The following EPHA3 variants were observed in gnomAD, a reference collection of about 807,000 sequenced individuals.
EPHA3 encodes the protein ephrin type-A receptor 3.
Under a neutral mutation model 107.1 loss-of-function variants are expected in EPHA3, and 42 were observed. The observed-to-expected ratio is 0.39, with a 90% confidence interval of 0.31 to 0.51. The LOEUF (loss-of-function observed/expected upper bound fraction) is 0.51. Ranked by LOEUF, EPHA3 falls within the 20% of genes least tolerant of loss-of-function variation. The pLI is 0.78. For synonymous variants in EPHA3, 461 were observed against 424.8 expected, an observed-to-expected ratio of 1.09 and a Z score of -1.05; for missense variants, 1,183 against 1,211.2, an observed-to-expected ratio of 0.98 and a Z score of 0.35.
At chr3:89,211,734 CTTCTTCTCCTTCTTCTTCTTCT>C (rs1704096996) in intron 3 of EPHA3, among the ~76,000 whole-genome samples, 1 of 10,240 alleles carries the variant, frequency 9.8e-5, no homozygotes, top group African/African-American at 2.3e-4. Context: ...TTTTCTTCTT[CTTCTTCTCCTTCTTCTTCTTCT>C]TCTTCTTCTT....
At chr3:89,362,936 G>C (rs1464381042) in intron 5 of EPHA3, among the ~76,000 whole-genome samples, 2 of 150,854 alleles carry the variant, frequency 1.3e-5, no homozygotes, top group Non-Finnish European at 3.0e-5. Context: ...TTTCCTCCTA[G>C]AGTTTTACTA....
chr3:89,370,638 C>T (rs1294812192), intron 5 of EPHA3, among the ~76,000 whole-genome samples: 2 of 150,390 alleles, frequency 1.3e-5, no homozygotes, highest in African/African-American at 4.9e-5. Flanking sequence ...ACACATGTAC[C>T]CTAAAACTTA....
chr3:89,323,368 G>A (rs539238181), intron 3 of EPHA3, among the ~76,000 whole-genome samples: 1 of 152,160 alleles, frequency 6.6e-6, no homozygotes, highest in Admixed American at 6.6e-5. Context: ...AACTTGTTCA[G>A]TTACATATAT....
chr3:89,109,652 G>T (rs1406390549), intron 1 of EPHA3, among the ~76,000 whole-genome samples: 2 of 151,926 alleles, frequency 1.3e-5, no homozygotes, highest in Admixed American at 6.6e-5. Flanking sequence ...TTAATTTAAT[G>T]AAACAGAGTT....
intron 3 of EPHA3, among the ~76,000 whole-genome samples, chr3:89,297,234 T>G (rs1454104600): frequency 6.6e-6 from 1 of 152,180 alleles, no homozygotes; most frequent in African/African-American, 2.4e-5. Flanking sequence ...AAGAGGCCTA[T>G]CTTTTAGCTT....
intron 5 of EPHA3, among the ~76,000 whole-genome samples, chr3:89,392,482 G>C (rs1028889668): frequency 1.3e-5 from 2 of 150,152 alleles, no homozygotes; most frequent in African/African-American, 4.9e-5. Context: ...TGGCAATTGC[G>C]ATTTTAGCAT....
At chr3:89,421,233 C>T (rs1185930022) in intron 11 of EPHA3, among the ~76,000 whole-genome samples, 1 of 150,884 alleles carries the variant, frequency 6.6e-6, no homozygotes, top group Non-Finnish European at 1.5e-5. Context: ...TCAAAGAGGG[C>T]AAAAACCCAT....
chr3:89,352,902 C>CAAAAAAAA (rs1215369952), intron 5 of EPHA3, among the ~76,000 whole-genome samples: 4 of 41,004 alleles, frequency 9.8e-5, no homozygotes, highest in African/African-American at 3.9e-4. Flanking sequence ...GACTCTGTCT[C>CAAAAAAAA]AAAAAAAAAA....
At chr3:89,183,729 C>G (rs1705497501) in intron 2 of EPHA3, among the ~76,000 whole-genome samples, 1 of 151,892 alleles carries the variant, frequency 6.6e-6, no homozygotes, top group Non-Finnish European at 1.5e-5. Flanking sequence ...GAGCAGAAAT[C>G]TAGAATTTTA....
chr3:89,250,973 T>C (rs902441282), intron 3 of EPHA3, among the ~76,000 whole-genome samples: 1 of 152,158 alleles, frequency 6.6e-6, no homozygotes, highest in African/African-American at 2.4e-5. Context: ...GCTGTGTAAT[T>C]AGAAAGGATT....
chr3:89,425,144 C>T (rs1709430565), intron 11 of EPHA3, among the ~76,000 whole-genome samples: 2 of 151,076 alleles, frequency 1.3e-5, no homozygotes, highest in South Asian at 2.1e-4. Flanking sequence ...ACAATAATGT[C>T]TTGATTAAAA....
chr3:89,452,931 A>AT (rs1214818590), intron 15 of EPHA3, among the ~76,000 whole-genome samples: 1 of 151,986 alleles, frequency 6.6e-6, no homozygotes, highest in Non-Finnish European at 1.5e-5. Flanking sequence ...AGATCTTAAT[A>AT]TCAGTATATA....
chr3:89,246,598 T>G (rs1170496344), intron 3 of EPHA3, among the ~76,000 whole-genome samples: 1 of 152,126 alleles, frequency 6.6e-6, no homozygotes, highest in Non-Finnish European at 1.5e-5. Context: ...ATCATTCCCA[T>G]GGGCAATGGC....
chr3:89,155,660 G>A (rs1704786952), intron 2 of EPHA3, among the ~76,000 whole-genome samples: 1 of 151,950 alleles, frequency 6.6e-6, no homozygotes. Flanking sequence ...AAAAAGTAAA[G>A]CAAAATAACT....
intron 3 of EPHA3, among the ~76,000 whole-genome samples, chr3:89,236,762 A>G (rs1394133430): frequency 6.6e-6 from 1 of 152,212 alleles, no homozygotes; most frequent in Non-Finnish European, 1.5e-5. Flanking sequence ...TTAAATTCAC[A>G]TCTATAATAG....
intron 2 of EPHA3, among the ~76,000 whole-genome samples, chr3:89,179,655 T>C (rs1559587847): frequency 8.2e-6 from 1 of 121,314 alleles, no homozygotes. Context: ...TTGCCAATAT[T>C]TTTAAAGTCT....
At chr3:89,378,160 T>C (rs567828776) in intron 5 of EPHA3, among the ~76,000 whole-genome samples, 24 of 152,140 alleles carry the variant, frequency 1.6e-4, no homozygotes, top group African/African-American at 2.9e-4. Flanking sequence ...ATACCTAATA[T>C]AGATGATGGG....
intron 13 of EPHA3, among the ~76,000 whole-genome samples, chr3:89,433,769 T>C (rs1709615514): frequency 6.6e-6 from 1 of 152,180 alleles, no homozygotes. Flanking sequence ...GTGACTACAA[T>C]TATATAGCTC....
chr3:89,467,643 A>G (rs1710312764), intron 15 of EPHA3, among the ~76,000 whole-genome samples: 1 of 152,058 alleles, frequency 6.6e-6, no homozygotes, highest in Admixed American at 6.6e-5. Flanking sequence ...TTATGCACCT[A>G]TTTACAGCTA....
Sources: allele counts gnomAD v4.1 joint callset (sites outside exome capture counted in the v4.1 genomes callset), GRCh38; gene constraint gnomAD v4.1.1; transcripts MANE v1.5; gene names NCBI Gene and HGNC (gene_info 2026-07-23, HGNC 2026-07-21).